The following SATB2 variants were observed in gnomAD, a reference collection of about 807,000 sequenced individuals.
SATB2 encodes the protein DNA-binding protein SATB2.
SATB2 carries 1 observed loss-of-function variant against 73.4 expected under a neutral mutation model. The observed-to-expected ratio is 0.01, with a 90% CI of 0.00 to 0.06. The LOEUF is 0.06. Ranked by LOEUF, SATB2 falls within the 10% of genes least tolerant of loss-of-function variation. The pLI is 1.00. For synonymous variants in SATB2, 397 were observed against 367.0 expected (o/e 1.08, Z -0.93); for missense variants, 459 against 945.8 (o/e 0.49, Z 6.75).
intron 10 of SATB2, among the ~76,000 whole-genome samples, chr2:199,303,960 A>G (rs929356239): frequency 6.6e-6 from 1 of 152,222 alleles, no homozygotes; most frequent in Non-Finnish European, 1.5e-5. Context: ...TGGAAATACA[A>G]TAAAGCACAA....
intron 5 of SATB2, 47 bp from the exon 6 acceptor site, chr2:199,368,754 T>G (rs1689360120): frequency 2.6e-6 from 3 of 1,145,548 alleles, no homozygotes; most frequent in Admixed American, 3.5e-5. Context: ...GACTACTTCT[T>G]TTTAGGGACA....
chr2:199,336,832 T>C (rs2105806935), intron 7 of SATB2, among the ~76,000 whole-genome samples: 1 of 152,286 alleles, frequency 6.6e-6, no homozygotes, highest in South Asian at 2.1e-4. Flanking sequence ...AGTCATGAAG[T>C]CAGACTTGCT....
intron 3 of SATB2, among the ~76,000 whole-genome samples, chr2:199,411,558 G>C (rs1690818076): frequency 6.6e-6 from 1 of 152,154 alleles, no homozygotes; most frequent in African/African-American, 2.4e-5. Context: ...TTTATTTACA[G>C]ATAAACTGAA....
chr2:199,450,721 TAATA>T (rs764954318), intron 2 of SATB2, among the ~76,000 whole-genome samples: 2 of 152,060 alleles, frequency 1.3e-5, no homozygotes, highest in African/African-American at 4.8e-5. Context: ...GCTGATTCTA[TAATA>T]AATACTTTTT....
upstream of SATB2, chr2:199,469,574 G>A (rs1692664101): frequency 6.6e-6 from 1 of 152,622 alleles, no homozygotes; most frequent in African/African-American, 2.4e-5. Context: ...GTAAAGTAGC[G>A]AGATCACTTA....
intron 7 of SATB2, chr2:199,347,487 T>A (rs975692788): frequency 2.6e-5 from 4 of 152,238 alleles, no homozygotes; most frequent in Non-Finnish European, 1.5e-5. Context: ...ACTTTATTAA[T>A]CCTTCAAGGT....
chr2:199,395,689 T>C (rs1313462928), intron 3 of SATB2: 5 of 152,216 alleles, frequency 3.3e-5, no homozygotes, highest in Non-Finnish European at 7.3e-5. Flanking sequence ...ATTTTAGCTT[T>C]AACTGATTTG....
chr2:199,448,813 T>G (rs1320345949), intron 2 of SATB2, among the ~76,000 whole-genome samples: 3 of 152,176 alleles, frequency 2.0e-5, no homozygotes, highest in Admixed American at 2.0e-4. Flanking sequence ...ATCTTTTTTG[T>G]TATTTTACAG....
chr2:199,329,661 G>T (rs1415220258), intron 7 of SATB2, among the ~76,000 whole-genome samples: 1 of 152,138 alleles, frequency 6.6e-6, no homozygotes, highest in African/African-American at 2.4e-5. Context: ...GGAATGCCAT[G>T]ATAGGCCCAG....
intron 6 of SATB2, among the ~76,000 whole-genome samples, chr2:199,361,147 G>T (rs560129995): frequency 6.6e-6 from 1 of 151,980 alleles, no homozygotes; most frequent in African/African-American, 2.4e-5. Flanking sequence ...TCCTTTAGTC[G>T]GCTGGTTTCA....
chr2:199,388,236 T>C (rs1293691807), intron 3 of SATB2, among the ~76,000 whole-genome samples: 1 of 152,182 alleles, frequency 6.6e-6, no homozygotes, highest in Non-Finnish European at 1.5e-5. Context: ...CCCTCCAACA[T>C]AAGTCACTAA....
At chr2:199,275,136 G>A (rs116456897) in intron 10 of SATB2, among the ~76,000 whole-genome samples, 1 of 152,186 alleles carries the variant, frequency 6.6e-6, no homozygotes, top group Non-Finnish European at 1.5e-5. Context: ...TCAGCATAAC[G>A]GTTCCATTTA....
intron 10 of SATB2, among the ~76,000 whole-genome samples, chr2:199,279,598 G>C (rs558809388): frequency 6.6e-6 from 1 of 152,242 alleles, no homozygotes; most frequent in South Asian, 2.1e-4. Flanking sequence ...GTAGTAATAG[G>C]TTAAAACAGT....
intron 7 of SATB2, among the ~76,000 whole-genome samples, chr2:199,344,782 C>G (rs1688603220): frequency 6.6e-6 from 1 of 152,178 alleles, no homozygotes; most frequent in Non-Finnish European, 1.5e-5. Flanking sequence ...ACTGTCCACC[C>G]ACTTTGGCCT....
chr2:199,407,602 T>C (rs1690673239), intron 3 of SATB2, among the ~76,000 whole-genome samples: 1 of 152,126 alleles, frequency 6.6e-6, no homozygotes, highest in Admixed American at 6.5e-5. Flanking sequence ...CTGTGGGAGA[T>C]GATGTCATGT....
At chr2:199,466,870 G>A (rs1408217536), upstream of SATB2, among the ~76,000 whole-genome samples, 1 of 152,184 alleles carries the variant, frequency 6.6e-6, no homozygotes, top group Non-Finnish European at 1.5e-5. Context: ...GCCAGACCCT[G>A]TGCCATCTCC....
intron 3 of SATB2, among the ~76,000 whole-genome samples, chr2:199,418,168 C>T (rs535675316): frequency 6.6e-6 from 1 of 152,182 alleles, no homozygotes; most frequent in Non-Finnish European, 1.5e-5. Context: ...AACAACCCTA[C>T]AAGGGGGAAT....
chr2:199,468,295 C>T (rs183113178), upstream of SATB2: 1 of 150,078 alleles, frequency 6.7e-6, no homozygotes, highest in African/African-American at 2.5e-5. Flanking sequence ...TCCAGTATTT[C>T]GTTTCTTCCT....
intron 3 of SATB2, among the ~76,000 whole-genome samples, chr2:199,385,277 G>C (rs909430155): frequency 3.9e-5 from 6 of 152,066 alleles, no homozygotes; most frequent in Admixed American, 2.0e-4. Flanking sequence ...TGGGACTACA[G>C]GTATATGCCA....
Sources: allele counts gnomAD v4.1 joint callset (sites outside exome capture counted in the v4.1 genomes callset), GRCh38; gene constraint gnomAD v4.1.1; transcripts MANE v1.5; gene names NCBI Gene and HGNC (gene_info 2026-07-23, HGNC 2026-07-21).